ULK4: variants seen among roughly 807,000 people sequenced by gnomAD.
The protein encoded by ULK4 is inactive serine/threonine-protein kinase ULK4.
A neutral mutation model predicts 160.6 loss-of-function variants in ULK4; 133 were observed. The observed-to-expected ratio is 0.83, with a 90% confidence interval of 0.72 to 0.96. ULK4 has a LOEUF of 0.96. Among genes scored for constraint, ULK4 ranks in the 40% least tolerant of loss-of-function variants. ULK4 has a pLI of 0.00. For missense variants in ULK4, 1,580 were observed against 1,499.5 expected (o/e 1.05, Z -0.89); for synonymous variants, 534 against 539.8 (o/e 0.99, Z 0.15).
intron 22 of ULK4, among the ~76,000 whole-genome samples, chr3:41,750,984 G>A (rs1341455099): frequency 8.6e-6 from 1 of 116,536 alleles, no homozygotes; most frequent in African/African-American, 3.9e-5. Context: ...GAGAGAGAGA[G>A]AAAGAGAGAG....
At chr3:41,783,013 T>G (rs1235486955) in intron 21 of ULK4, among the ~76,000 whole-genome samples, 2 of 147,052 alleles carry the variant, frequency 1.4e-5, no homozygotes, top group African/African-American at 2.7e-5. Flanking sequence ...TAGAGTTGGG[T>G]TGGTCCAATT....
intron 22 of ULK4, among the ~76,000 whole-genome samples, chr3:41,742,531 G>T (rs2038277112): frequency 1.3e-5 from 2 of 151,870 alleles, no homozygotes; most frequent in Admixed American, 1.3e-4. Flanking sequence ...AGAGCAAGAT[G>T]AGGACTCAAG....
intron 35 of ULK4, among the ~76,000 whole-genome samples, chr3:41,363,179 C>T (rs1204157945): frequency 1.3e-5 from 2 of 152,208 alleles, no homozygotes; most frequent in African/African-American, 2.4e-5. Flanking sequence ...TAAGGAGCTC[C>T]CCGGGGGGCA....
At chr3:41,880,373 G>A (rs929329582) in intron 17 of ULK4, among the ~76,000 whole-genome samples, 1 of 152,138 alleles carries the variant, frequency 6.6e-6, no homozygotes, top group African/African-American at 2.4e-5. Context: ...AGGAGATCAT[G>A]ACCAGTTATT....
intron 32 of ULK4, among the ~76,000 whole-genome samples, chr3:41,486,844 C>T (rs138433171): frequency 1.5e-3 from 224 of 152,236 alleles, no homozygotes; most frequent in Middle Eastern, 0.01. Flanking sequence ...AAGGGAAACA[C>T]TAGAAGCATA....
intron 16 of ULK4, among the ~76,000 whole-genome samples, chr3:41,884,533 G>A (rs775011910): frequency 1.1e-4 from 16 of 152,172 alleles, no homozygotes; most frequent in Non-Finnish European, 1.8e-4. Context: ...AATGTGATTT[G>A]AAAAGGTATT....
intron 34 of ULK4, among the ~76,000 whole-genome samples, chr3:41,451,300 T>G (rs1464618739): frequency 6.6e-6 from 1 of 151,956 alleles, no homozygotes; most frequent in Non-Finnish European, 1.5e-5. Flanking sequence ...TAAAGAAGGT[T>G]CCAAGAATCG....
rs1346762946 is a variant in ULK4 at position 41,905,034 on chromosome 3, G to C, written c.1182+2811C>G. Among the ~76,000 whole-genome samples, 3 of 152,278 alleles carry C rather than the reference G, an allele frequency of 2.0e-5. No homozygotes were observed. The East Asian group carries it at 5.8e-4, about 29-fold the overall frequency. ...ATGGAAATGCAAGTGACCCAGAACA[G>C]CCAAAACCACCTTAAAAATTTTTTT... On this transcript the variant is annotated intron_variant, in intron 12 of 36. Transcript: ENST00000301831.
chr3:41,713,794 C>T (rs1333612814), intron 25 of ULK4, among the ~76,000 whole-genome samples: 1 of 152,152 alleles, frequency 6.6e-6, no homozygotes, highest in Admixed American at 6.5e-5. Context: ...AAGGAGCAGA[C>T]GAGTTCTCCC....
At chr3:41,309,062 G>T (rs539288504) in intron 35 of ULK4, among the ~76,000 whole-genome samples, 189 of 152,202 alleles carry the variant, frequency 1.2e-3, no homozygotes, top group Non-Finnish European at 2.2e-3. Flanking sequence ...TAAAATTTAT[G>T]AAAGTTATTT....
At chr3:41,424,426 G>A (rs185796944) in intron 34 of ULK4, among the ~76,000 whole-genome samples, 123 of 152,166 alleles carry the variant, frequency 8.1e-4, no homozygotes, top group African/African-American at 2.9e-3. Context: ...GACCAAAAGT[G>A]CTTCCTTAAG....
At chr3:41,491,987 T>C (rs1411749065) in intron 32 of ULK4, among the ~76,000 whole-genome samples, 6 of 151,674 alleles carry the variant, frequency 4.0e-5, no homozygotes, top group African/African-American at 1.5e-4. Flanking sequence ...TGGTGTTTGG[T>C]TTTTTGTCTT....
At chr3:41,590,461 C>CAAAAAAAAAAAAA (rs71075479) in intron 31 of ULK4, among the ~76,000 whole-genome samples, 33 of 56,622 alleles carry the variant, frequency 5.8e-4, no homozygotes, top group Non-Finnish European at 6.8e-4. Context: ...ACTAAAAATA[C>CAAAAAAAAAAAAA]AAAAAAAAAA....
At chr3:41,914,698 T>C (rs1698908836) in intron 8 of ULK4, 1 of 152,200 alleles carries the variant, frequency 6.6e-6, no homozygotes, top group Admixed American at 6.5e-5. Context: ...TATAGGTAAT[T>C]GTATATACGT....
At chr3:41,416,589 G>A (rs1366486707) in intron 34 of ULK4, among the ~76,000 whole-genome samples, 1 of 152,076 alleles carries the variant, frequency 6.6e-6, no homozygotes, top group Non-Finnish European at 1.5e-5. Flanking sequence ...TAGTGACATA[G>A]GCAATACTTA....
intron 35 of ULK4, among the ~76,000 whole-genome samples, chr3:41,278,778 A>C (rs547420504): frequency 6.6e-6 from 1 of 152,158 alleles, no homozygotes; most frequent in Non-Finnish European, 1.5e-5. Flanking sequence ...TCCTCACCAA[A>C]ATCCCACCCA....
At chr3:41,808,895 G>A (rs1024925589) in intron 19 of ULK4, among the ~76,000 whole-genome samples, 1 of 152,286 alleles carries the variant, frequency 6.6e-6, no homozygotes, top group East Asian at 1.9e-4. Flanking sequence ...CCAGCCGGGT[G>A]AGGTGGCTCA....
In ULK4 at chr3:41,935,850, T is replaced by A; in HGVS notation, c.329A>T (p.His110Leu). The change falls in exon 4 of 37, where the codon CAT becomes CTT. Residue 110 changes from histidine (H) to leucine (L), a missense_variant. Transcript: ENST00000301831. ...EFGIDLISGL[H>L]HLHKLGILFC... ...GAGAATGCCAAGTTTATGAAGATGA[T>A]GTAATCCACTAATCAGGTCAATTCC... is the stretch of plus-strand genomic sequence containing the variant. 1 of 1,613,798 alleles carries A rather than the reference T, an allele frequency of 6.2e-7. No homozygotes were observed. Among genetic ancestry groups the A allele is most frequent in the Non-Finnish European group, 8.5e-7 (1 of 1,179,928 alleles).
At chr3:41,761,623 A>T (rs1054362693) in intron 21 of ULK4, among the ~76,000 whole-genome samples, 1 of 152,018 alleles carries the variant, frequency 6.6e-6, no homozygotes, top group Admixed American at 6.5e-5. Context: ...TAAATAGATT[A>T]GATATTATGG....
Sources: gnomAD v4.1 joint callset for allele counts (sites outside exome capture counted in the v4.1 genomes callset) on GRCh38, gnomAD v4.1.1 for gene constraint, MANE v1.5 for transcripts, NCBI Gene and HGNC (gene_info 2026-07-23, HGNC 2026-07-21) for gene names.